NRXN3: variants seen among roughly 807,000 people sequenced by gnomAD.
NRXN3 encodes neurexin 3.
A neutral mutation model predicts 137.6 loss-of-function variants in NRXN3; 32 were observed. The ratio of observed to expected loss-of-function variants is 0.23; its 90% CI spans 0.18 to 0.31. The LOEUF (loss-of-function observed/expected upper bound fraction) is 0.31, where lower values mean the gene tolerates loss of function less well. NRXN3 is among the 10% of genes least tolerant of loss of function. The pLI is 1.00. For synonymous variants in NRXN3, 798 were observed against 784.5 expected (o/e 1.02, Z -0.29); for missense variants, 1,574 against 2,062.5 (o/e 0.76, Z 4.59).
chr14:79,639,407 T>A (rs1242523650), intron 16 of NRXN3, among the ~76,000 whole-genome samples: 1 of 152,194 alleles, frequency 6.6e-6, no homozygotes, highest in Non-Finnish European at 1.5e-5. Context: ...CTGTTGTTCC[T>A]TTCTTTGTGT....
chr14:79,504,419 A>T (rs1386381267), intron 16 of NRXN3, among the ~76,000 whole-genome samples: 3 of 151,668 alleles, frequency 2.0e-5, no homozygotes, highest in Non-Finnish European at 4.4e-5. Flanking sequence ...AATTTTCAGA[A>T]TTTTATCTAT....
chr14:78,381,607 C>T (rs1209248722), intron 4 of NRXN3, among the ~76,000 whole-genome samples: 2 of 152,074 alleles, frequency 1.3e-5, no homozygotes, highest in African/African-American at 4.8e-5. Context: ...ATTACAAAAT[C>T]GTGTACACAA....
At chr14:78,295,309 G>A (rs145568424) in intron 3 of NRXN3, among the ~76,000 whole-genome samples, 5 of 152,194 alleles carry the variant, frequency 3.3e-5, no homozygotes, top group African/African-American at 7.2e-5. Flanking sequence ...CATCAGGATC[G>A]TGTATCTCGT....
Position 78,992,820 on chromosome 14 carries a change from G to A in NRXN3, c.3262+4679G>A, listed in dbSNP as rs112887961. ...TTTGGTTATTGCTTCTGGTGCCCTGGAGAAGCACATATAGGACAGTCTTTG... is the reference window on the plus strand; with the variant it reads ...TTTGGTTATTGCTTCTGGTGCCCTGAAGAAGCACATATAGGACAGTCTTTG... On this transcript the variant is annotated intron_variant, in intron 15 of 20. Transcript: ENST00000335750. Among the ~76,000 whole-genome samples the A allele has an allele frequency of 3.2e-4, 49 of 152,258 alleles. 1 individual carries two copies. The highest frequency in any genetic ancestry group is 1.0e-3 in the African/African-American group (43 of 41,552).
At chr14:79,510,750 C>G (rs2096925044) in intron 16 of NRXN3, among the ~76,000 whole-genome samples, 1 of 152,188 alleles carries the variant, frequency 6.6e-6, no homozygotes, top group Admixed American at 6.5e-5. Flanking sequence ...GGAATCTCTT[C>G]AAACAGCTTT....
intron 20 of NRXN3, among the ~76,000 whole-genome samples, chr14:79,848,822 T>C (rs998936828): frequency 6.6e-6 from 1 of 152,160 alleles, no homozygotes; most frequent in Non-Finnish European, 1.5e-5. Context: ...TATATGATGA[T>C]AATTTTCAGT....
intron 19 of NRXN3, among the ~76,000 whole-genome samples, chr14:79,708,919 G>T (rs1310921617): frequency 6.6e-6 from 1 of 152,092 alleles, no homozygotes; most frequent in Admixed American, 6.6e-5. Flanking sequence ...GAATTTGATT[G>T]ACTTGTGTGT....
At chr14:78,524,317 G>A (rs961013440) in intron 4 of NRXN3, among the ~76,000 whole-genome samples, 8 of 152,184 alleles carry the variant, frequency 5.3e-5, no homozygotes, top group African/African-American at 9.7e-5. Flanking sequence ...ACAGTGATCC[G>A]CTGGAGGAAA....
At chr14:78,697,531 G>T (rs1163837959) in intron 6 of NRXN3, among the ~76,000 whole-genome samples, 1 of 151,852 alleles carries the variant, frequency 6.6e-6, no homozygotes, top group Non-Finnish European at 1.5e-5. Context: ...TTCATTTCAG[G>T]TTGATTTTGC....
intron 15 of NRXN3, among the ~76,000 whole-genome samples, chr14:79,363,707 G>C (rs563390179): frequency 1.1e-4 from 16 of 152,256 alleles, no homozygotes; most frequent in African/African-American, 3.9e-4. Context: ...TATAGCACCA[G>C]TCCAAACAGA....
chr14:78,662,651 T>G (rs1408696432), intron 6 of NRXN3, among the ~76,000 whole-genome samples: 1 of 152,170 alleles, frequency 6.6e-6, no homozygotes, highest in East Asian at 1.9e-4. Flanking sequence ...ATATGATAGA[T>G]CTATAGTTCT....
At chr14:78,356,587 C>T (rs192918880) in intron 4 of NRXN3, among the ~76,000 whole-genome samples, 5 of 152,300 alleles carry the variant, frequency 3.3e-5, no homozygotes, top group Non-Finnish European at 5.9e-5. Flanking sequence ...CAGCCAGAAC[C>T]CCGTTACCAG....
chr14:78,828,154 A>G (rs74065232), intron 10 of NRXN3, among the ~76,000 whole-genome samples: 3,959 of 152,274 alleles, frequency 0.026, 62 homozygotes, highest in East Asian at 0.06. Flanking sequence ...CACTTAGTTT[A>G]TAGTTCAATA....
chr14:78,658,093 T>C (rs1301584138), intron 6 of NRXN3, among the ~76,000 whole-genome samples: 2 of 152,236 alleles, frequency 1.3e-5, no homozygotes, highest in African/African-American at 2.4e-5. Context: ...AGCAGGTGAA[T>C]TTAGGTCATA....
chr14:78,378,182 G>A (rs982149670), intron 4 of NRXN3, among the ~76,000 whole-genome samples: 2 of 152,142 alleles, frequency 1.3e-5, no homozygotes, highest in Non-Finnish European at 2.9e-5. Flanking sequence ...GTTAGAGGAA[G>A]TTTCAAGAAA....
intron 4 of NRXN3, among the ~76,000 whole-genome samples, chr14:78,607,565 G>A (rs1048471711): frequency 1.3e-5 from 2 of 152,156 alleles, no homozygotes; most frequent in Non-Finnish European, 2.9e-5. Context: ...CTATTTGCCT[G>A]GTGCTGTGCT....
chr14:78,800,331 G>C (rs2098834958), intron 8 of NRXN3, among the ~76,000 whole-genome samples: 1 of 152,158 alleles, frequency 6.6e-6, no homozygotes, highest in Non-Finnish European at 1.5e-5. Context: ...AAGATTAAAT[G>C]ACTTCTTAAT....
At chr14:79,517,167 T>G (rs933782696) in intron 16 of NRXN3, among the ~76,000 whole-genome samples, 1 of 149,166 alleles carries the variant, frequency 6.7e-6, no homozygotes, top group African/African-American at 2.5e-5. Context: ...TTTTAGAAAT[T>G]TGTCCATCTG....
At chr14:79,358,375 C>G (rs912834307) in intron 15 of NRXN3, among the ~76,000 whole-genome samples, 1 of 151,434 alleles carries the variant, frequency 6.6e-6, no homozygotes, top group African/African-American at 2.4e-5. Flanking sequence ...TCAAGACTAT[C>G]CTGGCTAACA....
Sources: allele counts gnomAD v4.1 joint callset (sites outside exome capture counted in the v4.1 genomes callset), GRCh38; gene constraint gnomAD v4.1.1; transcripts MANE v1.5; gene names NCBI Gene and HGNC (gene_info 2026-07-23, HGNC 2026-07-21).